The following CLASP2 variants were observed in gnomAD, a reference collection of about 807,000 sequenced individuals.
The protein encoded by CLASP2 is CLIP-associating protein 2.
CLASP2 carries 47 observed loss-of-function variants against 194.4 expected under a neutral mutation model. That is an observed-to-expected ratio of 0.24 (90% confidence interval 0.19 to 0.31). The LOEUF (loss-of-function observed/expected upper bound fraction) is 0.31. Among genes scored for constraint, CLASP2 ranks in the 10% least tolerant of loss-of-function variants. CLASP2 has a pLI of 1.00. For missense variants in CLASP2, 1,445 were observed against 1,823.6 expected (o/e 0.79, Z 3.78); for synonymous variants, 619 against 633.5 (o/e 0.98, Z 0.34).
At chr3:33,649,400 T>C (rs373373581) in intron 7 of CLASP2, among the ~76,000 whole-genome samples, 180 of 152,340 alleles carry the variant, frequency 1.2e-3, no homozygotes, top group African/African-American at 4.3e-3. Flanking sequence ...GCCCCTGTTA[T>C]ATCTTCAACA....
In CLASP2 at chr3:33,513,583, T is replaced by C. The variant is rs934218086; in HGVS notation, c.4110+2440A>G. ...AAAATCCAGATATATTTAAAAGTTATGATTCACTCTTCTAAAAGAGTCACA... is the reference window on the plus strand; with the variant it reads ...AAAATCCAGATATATTTAAAAGTTACGATTCACTCTTCTAAAAGAGTCACA... On this transcript the variant is annotated intron_variant, in intron 36 of 38. Transcript: ENST00000682230. Among the ~76,000 whole-genome samples the C allele has an allele frequency of 7.2e-5, 11 of 152,310 alleles. No individual in the cohort carries two copies. In the East Asian group the frequency reaches 2.1e-3, roughly 29 times the overall value.
chr3:33,506,141 G>A (rs1355434646), intron 37 of CLASP2, among the ~76,000 whole-genome samples: 4 of 151,920 alleles, frequency 2.6e-5, no homozygotes, highest in South Asian at 2.1e-4. Flanking sequence ...TTGGGAGGCC[G>A]AGGCAGGTGG....
In CLASP2 at chr3:33,590,734, A is replaced by G. The variant is rs72854397; in HGVS notation, c.2068+1661T>C. 8.6e-3 allele frequency among the ~76,000 whole-genome samples: 1,314 copies of G among 152,280 alleles called. 20 individuals carry two copies. Among genetic ancestry groups the G allele is most frequent in the African/African-American group, 0.03 (1,261 of 41,538 alleles). On this transcript the variant is annotated intron_variant, in intron 21 of 38. Transcript: ENST00000682230. ...AAAAGAGAAGGATCTGGTGGGTAAG[A>G]CTTGCGTAATCACTATCCTGCCCCT...
Position 33,576,176 on chromosome 3 carries a change from T to C in CLASP2, c.2447A>G (p.Asp816Gly), listed in dbSNP as rs753881504. The C allele has an allele frequency of 1.9e-6, 3 of 1,612,974 alleles. No homozygotes were observed. The highest frequency in any genetic ancestry group is 2.5e-6 in the Non-Finnish European group (3 of 1,179,038). ...TGSDVEEAVA[D>G]ALKKPARRRY... The stretch of plus-strand genomic sequence containing the variant: ...GAAAATGGAGAAGAGTACCAAGGCA[T>C]CTGCCACCGCCTCCTCCACATCAGA... The change falls in exon 24 of 39, where the codon GAT becomes GGT. Residue 816 changes from aspartate (D) to glycine (G), a missense_variant. Asp to Gly is a moderately conservative substitution (Grantham distance 94). Transcript: ENST00000682230.
chr3:33,549,745 T>C (rs1559975994), intron 30 of CLASP2, among the ~76,000 whole-genome samples: 4 of 150,712 alleles, frequency 2.7e-5, no homozygotes, highest in Non-Finnish European at 4.4e-5. Flanking sequence ...TTTTTTTCTT[T>C]TTTTTTTTTT....
At chr3:33,672,088 C>T (rs1333508435) in intron 6 of CLASP2, among the ~76,000 whole-genome samples, 2 of 152,176 alleles carry the variant, frequency 1.3e-5, no homozygotes, top group Admixed American at 1.3e-4. Flanking sequence ...TTGAAGAGAG[C>T]AGTGGTTCTC....
chr3:33,510,735 T>C lies in CLASP2; in HGVS notation c.4140A>G (p.Ser1380=), dbSNP rs1178545774. ...CTGGACTAATTGAAGTGGCCAACAC[T>C]GATGCCGCTTCCTCAGCAGATCTCA... ...EVVRSAEEAA[S]VLATSISPEQ... is the part of the protein sequence containing the mutation. The change falls in exon 37 of 39, where the codon TCA becomes TCG. Residue 1380 remains serine (S), a synonymous_variant. Coordinates refer to ENST00000682230, the MANE Select transcript of CLASP2 (RefSeq NM_001365631.1). 1 of 1,612,188 alleles carries C rather than the reference T, an allele frequency of 6.2e-7. No homozygotes were observed. The highest frequency in any genetic ancestry group is 8.5e-7 in the Non-Finnish European group (1 of 1,179,034).
At chr3:33,685,110 G>A (rs2090463395) in intron 5 of CLASP2, among the ~76,000 whole-genome samples, 1 of 151,502 alleles carries the variant, frequency 6.6e-6, no homozygotes, top group Non-Finnish European at 1.5e-5. Flanking sequence ...GGAGACCAAG[G>A]CTGGCGGTTC....
chr3:33,648,514 G>A (rs2082655479), intron 7 of CLASP2, among the ~76,000 whole-genome samples: 1 of 151,790 alleles, frequency 6.6e-6, no homozygotes. Flanking sequence ...AACTAAAAAG[G>A]AAAAATAAAT....
intron 7 of CLASP2, among the ~76,000 whole-genome samples, chr3:33,649,142 T>C (rs1014358770): frequency 6.6e-6 from 1 of 152,228 alleles, no homozygotes; most frequent in Admixed American, 6.5e-5. Flanking sequence ...CTGCCTAGAA[T>C]GCTTTTTTCA....
At chr3:33,500,058 G>T (rs1224009687) in intron 38 of CLASP2, among the ~76,000 whole-genome samples, 2 of 151,798 alleles carry the variant, frequency 1.3e-5, no homozygotes, top group Non-Finnish European at 2.9e-5. Flanking sequence ...TTTGATACAG[G>T]GTCTTGCTCT....
rs192775583 is a variant in CLASP2 at position 33,717,291 on chromosome 3, C to A, written c.195+517G>T. On this transcript the variant is annotated intron_variant, in intron 1 of 38. Coordinates refer to ENST00000682230, the MANE Select transcript of CLASP2 (RefSeq NM_001365631.1). ...ACATTGTGTCCTAGTAACTCCGCAA[C>A]GTGTCACGGAATCGCTGAATTTGTC... Among the ~76,000 whole-genome samples, 23 of 152,182 alleles carry A rather than the reference C, an allele frequency of 1.5e-4. No homozygotes were observed. The East Asian group carries it at 4.4e-3, about 29-fold the overall frequency.
At chr3:33,528,614 C>A (rs2055272119) in intron 34 of CLASP2, among the ~76,000 whole-genome samples, 1 of 151,900 alleles carries the variant, frequency 6.6e-6, no homozygotes, top group Non-Finnish European at 1.5e-5. Flanking sequence ...ATACAAAAAT[C>A]AGCCTGGAGT....
At chr3:33,511,437 C>T (rs1421902454) in intron 36 of CLASP2, among the ~76,000 whole-genome samples, 8 of 152,092 alleles carry the variant, frequency 5.3e-5, no homozygotes, top group Non-Finnish European at 1.2e-4. Flanking sequence ...CCTGCATAAG[C>T]CATGCTGAAG....
At chr3:33,597,082 T>C (rs1298419705) in intron 18 of CLASP2, among the ~76,000 whole-genome samples, 8 of 152,142 alleles carry the variant, frequency 5.3e-5, no homozygotes, top group Non-Finnish European at 1.2e-4. Context: ...CATTGCCTTG[T>C]TTCTTTTCTC....
chr3:33,551,944 T>C (rs111901348), intron 29 of CLASP2, among the ~76,000 whole-genome samples: 2,986 of 151,658 alleles, frequency 0.02, 24 homozygotes, highest in South Asian at 0.029. Context: ...ATATAGTTTT[T>C]TTTTTTTTTT....
intron 29 of CLASP2, among the ~76,000 whole-genome samples, chr3:33,552,526 TA>T (rs1473476513): frequency 3.9e-5 from 6 of 152,224 alleles, no homozygotes; most frequent in African/African-American, 1.4e-4. Context: ...CTCATATACT[TA>T]TTTTTTTGTG....
intron 8 of CLASP2, among the ~76,000 whole-genome samples, chr3:33,641,422 G>A (rs1453925164): frequency 2.0e-5 from 3 of 151,612 alleles, no homozygotes; most frequent in African/African-American, 4.8e-5. Context: ...TAACACTTTC[G>A]ACACTTACAT....
rs1014375175 is a variant in CLASP2, at chr3:33,539,477, G to A, written c.3405-535C>T. Among the ~76,000 whole-genome samples the A allele has an allele frequency of 1.6e-4, 25 of 152,026 alleles. 1 individual carries two copies. Among genetic ancestry groups the A allele is most frequent in the Non-Finnish European group, 4.4e-5 (3 of 67,994 alleles). On this transcript the variant is annotated intron_variant, in intron 32 of 38. Coordinates refer to ENST00000682230, the MANE Select transcript of CLASP2 (RefSeq NM_001365631.1). ...AGCCTCCCGAGTAGCTGGGATTACAGGCGCCGGCCACCACACCTGGCTAAT... is the reference window on the plus strand; with the variant it reads ...AGCCTCCCGAGTAGCTGGGATTACAAGCGCCGGCCACCACACCTGGCTAAT...
Sources: allele counts gnomAD v4.1 joint callset (sites outside exome capture counted in the v4.1 genomes callset), GRCh38; gene constraint gnomAD v4.1.1; transcripts MANE v1.5; gene names NCBI Gene and HGNC (gene_info 2026-07-23, HGNC 2026-07-21).